Variants in KANSL2 observed in about 807,000 individuals in gnomAD.
The protein encoded by KANSL2 is NSL complex protein NSL2.
KANSL2 carries 34 observed loss-of-function variants against 55.6 expected under a neutral mutation model. The observed-to-expected ratio is 0.61, with a 90% CI of 0.46 to 0.81. The LOEUF is 0.81. Ranked by LOEUF, KANSL2 falls within the 40% of genes least tolerant of loss-of-function variation. The pLI is 0.00. For missense variants in KANSL2, 502 were observed against 609.9 expected (o/e 0.82, Z 1.86); for synonymous variants, 209 against 214.3 (o/e 0.98, Z 0.22).
At chr12:48,671,191 G>C (rs1288720016) in intron 5 of KANSL2, among the ~76,000 whole-genome samples, 1 of 151,212 alleles carries the variant, frequency 6.6e-6, no homozygotes, top group Non-Finnish European at 1.5e-5. Flanking sequence ...CTTGAACCTA[G>C]GAAGCAGAGG....
At chr12:48,664,566 C>T (rs1260454550) in intron 7 of KANSL2, among the ~76,000 whole-genome samples, 2 of 148,056 alleles carry the variant, frequency 1.4e-5, no homozygotes, top group Admixed American at 1.4e-4. Context: ...GCGTGAGCCA[C>T]CGCACCTGGC....
intron 7 of KANSL2, among the ~76,000 whole-genome samples, chr12:48,665,996 T>C (rs1030973211): frequency 2.0e-5 from 3 of 152,114 alleles, no homozygotes; most frequent in African/African-American, 4.8e-5. Flanking sequence ...GAGGATCACA[T>C]GAGCTCAGAA....
At chr12:48,654,201 A>G in intron 9 of KANSL2, 26 bp from the exon 10 acceptor site, 1 of 1,582,088 alleles carries the variant, frequency 6.3e-7, no homozygotes, top group Non-Finnish European at 8.6e-7. Context: ...AAGGCACTTC[A>G]GTTAGTAATT....
intron 7 of KANSL2, chr12:48,661,218 T>C (rs1939481182): frequency 1.0e-6 from 1 of 973,048 alleles, no homozygotes; most frequent in Non-Finnish European, 1.2e-6. Context: ...GGGAGTGTGC[T>C]AGTACAGAGG....
chr12:48,653,462 A>G lies in KANSL2; in HGVS notation c.*582T>C, dbSNP rs1299563480. On this transcript the variant is annotated 3_prime_UTR_variant, in exon 10 of 10. Transcript: ENST00000420613. ...ACATTTTCTTTAACATTTAATAGAAACTATATACAATAAATTTTTACTATA... is the reference window on the plus strand; with the variant it reads ...ACATTTTCTTTAACATTTAATAGAAGCTATATACAATAAATTTTTACTATA... 1.3e-5 allele frequency: 2 copies of G among 152,644 alleles called. No homozygotes were observed. Among genetic ancestry groups the G allele is most frequent in the African/African-American group, 4.8e-5 (2 of 41,470 alleles). 9.5% of individuals were successfully genotyped at this position (152,644 alleles called of 1,614,324 possible). A position where few individuals can be genotyped will look rare whatever the true frequency, so the allele number is the denominator to read the frequency against.
chr12:48,659,730 G>A (rs1939454383), intron 8 of KANSL2, among the ~76,000 whole-genome samples: 1 of 152,152 alleles, frequency 6.6e-6, no homozygotes, highest in South Asian at 2.1e-4. Flanking sequence ...TTAATAGCCA[G>A]AAAGTAGAAA....
At chr12:48,661,436 T>C (rs1164584063) in intron 7 of KANSL2, among the ~76,000 whole-genome samples, 1 of 152,202 alleles carries the variant, frequency 6.6e-6, no homozygotes, top group East Asian at 1.9e-4. Flanking sequence ...TTCAAGTTAC[T>C]TTACAAAACA....
Position 48,681,647 on chromosome 12 carries a change from G to A in KANSL2, c.-9-6C>T, listed in dbSNP as rs753148755. On this transcript the variant is annotated splice_polypyrimidine_tract_variant and splice_region_variant and intron_variant, in intron 1 of 9. Transcript: ENST00000420613. ...ATCCTGTTCATAACCAAAACCTGCGGGGTCAAACGAAAGACCAAAAAGCCC... is the reference window on the plus strand; with the variant it reads ...ATCCTGTTCATAACCAAAACCTGCGAGGTCAAACGAAAGACCAAAAAGCCC... 2 of 1,613,964 alleles carry A rather than the reference G, an allele frequency of 1.2e-6. No individual in the cohort carries two copies. The highest frequency in any genetic ancestry group is 2.2e-5 in the South Asian group (2 of 91,084).
At chr12:48,663,372 T>C (rs1939523514) in intron 7 of KANSL2, among the ~76,000 whole-genome samples, 2 of 152,228 alleles carry the variant, frequency 1.3e-5, no homozygotes, top group Admixed American at 1.3e-4. Flanking sequence ...GACTCATTTT[T>C]GAAAAATTGT....
At chr12:48,664,304 T>C (rs1592100787) in intron 7 of KANSL2, among the ~76,000 whole-genome samples, 3 of 147,822 alleles carry the variant, frequency 2.0e-5, no homozygotes, top group Admixed American at 1.4e-4. Context: ...TGACACAGAG[T>C]CTCACATCTG....
At chr12:48,663,599 A>G (rs1309249320) in intron 7 of KANSL2, among the ~76,000 whole-genome samples, 1 of 152,190 alleles carries the variant, frequency 6.6e-6, no homozygotes, top group East Asian at 1.9e-4. Flanking sequence ...AAGGACCTCT[A>G]TGATAATCCA....
chr12:48,681,335 A>T, intron 2 of KANSL2, 47 bp downstream of exon 2: 1 of 1,549,708 alleles, frequency 6.5e-7, no homozygotes, highest in East Asian at 2.3e-5. Flanking sequence ...CATATCACAT[A>T]CCCCCTCGCT....
At chr12:48,678,866 G>A (rs1355775269) in intron 4 of KANSL2, among the ~76,000 whole-genome samples, 170 bp downstream of exon 4, 2 of 152,116 alleles carry the variant, frequency 1.3e-5, no homozygotes, top group Non-Finnish European at 2.9e-5. Flanking sequence ...GAATCATCCT[G>A]CCTTGAAGCA....
At chr12:48,672,083 T>C (rs926197439) in intron 4 of KANSL2, 121 bp from the exon 5 acceptor site, 20 of 766,398 alleles carry the variant, frequency 2.6e-5, no homozygotes, top group South Asian at 1.5e-4. Flanking sequence ...ATCACCTTAA[T>C]GTTTTTGCAA....
intron 7 of KANSL2, among the ~76,000 whole-genome samples, chr12:48,663,898 C>T (rs138265311): frequency 0.013 from 1,932 of 145,502 alleles, 39 homozygotes; most frequent in African/African-American, 0.046. Context: ...AAGATACACA[C>T]TTTTAACTAT....
chr12:48,681,432 C>G lies in KANSL2; in HGVS notation c.201G>C (p.Lys67Asn). 1 of 1,613,790 alleles carries G rather than the reference C, an allele frequency of 6.2e-7. No individual in the cohort carries two copies. The highest frequency in any genetic ancestry group is 8.5e-7 in the Non-Finnish European group (1 of 1,179,828). ...PFKQCSYIST[K>N]NGKRCPNAAP... is the part of the protein sequence containing the mutation. Reference sequence around the variant, plus strand: ...CAGCATTGGGACATCTTTTTCCATTCTTCGTCGATATATAACTACACTGCT... The same window carrying G: ...CAGCATTGGGACATCTTTTTCCATTGTTCGTCGATATATAACTACACTGCT... The change falls in exon 2 of 10, where the codon AAG becomes AAC. Residue 67 changes from lysine to asparagine, a missense_variant. By Grantham distance (94) the Lys-to-Asn change is moderately conservative. Coordinates refer to ENST00000420613, the MANE Select transcript of KANSL2 (RefSeq NM_017822.4).
chr12:48,671,923 A>G lies in KANSL2; in HGVS notation c.585T>C (p.Ile195=), dbSNP rs749444596. 1 of 1,609,738 alleles carries G rather than the reference A, an allele frequency of 6.2e-7. No individual in the cohort carries two copies. The highest frequency in any genetic ancestry group is 1.1e-5 in the South Asian group (1 of 90,764). The change falls in exon 5 of 10, where the codon ATT becomes ATC. Residue 195 remains isoleucine (I), a synonymous_variant. Coordinates refer to ENST00000420613, the MANE Select transcript of KANSL2 (RefSeq NM_017822.4). Reference sequence around the variant, plus strand: ...GCAAACGAATTAGCTTTTCACGCATAATCAGGGCCACTTCTTCTGCTGTGT... The same window carrying G: ...GCAAACGAATTAGCTTTTCACGCATGATCAGGGCCACTTCTTCTGCTGTGT... ...GVYTAEEVAL[I]MREKLIRLQS... is the part of the protein sequence containing the mutation.
chr12:48,677,978 G>A (rs1808051371), intron 4 of KANSL2, among the ~76,000 whole-genome samples: 1 of 151,982 alleles, frequency 6.6e-6, no homozygotes, highest in African/African-American at 2.4e-5. Context: ...CTCAGAAAAC[G>A]TAACCCTAAC....
chr12:48,669,297 T>C lies in KANSL2; in HGVS notation c.710-25A>G, dbSNP rs373369289. 5.3e-6 allele frequency: 8 copies of C among 1,504,468 alleles called. No homozygotes were observed. In the South Asian group the frequency reaches 1.0e-4, roughly 20 times the overall value. 93.2% of individuals were successfully genotyped at this position (1,504,468 alleles called of 1,614,324 possible). ...CCTAGAGTTACAAGAGTCAAGATGT[T>C]ATTTGCCAAGCAATCCATCAAGGTT... On this transcript the variant is annotated intron_variant, in intron 5 of 9. Coordinates refer to ENST00000420613, the MANE Select transcript of KANSL2 (RefSeq NM_017822.4).
Sources: gnomAD v4.1 joint callset for allele counts (sites outside exome capture counted in the v4.1 genomes callset) on GRCh38, gnomAD v4.1.1 for gene constraint, MANE v1.5 for transcripts, NCBI Gene and HGNC (gene_info 2026-07-23, HGNC 2026-07-21) for gene names.